Variants in OSBPL10 observed in about 807,000 individuals in gnomAD.
OSBPL10 encodes the protein oxysterol-binding protein-related protein 10.
OSBPL10 carries 49 observed loss-of-function variants against 81.7 expected under a neutral mutation model. The observed-to-expected ratio is 0.60, with a 90% confidence interval of 0.48 to 0.76. OSBPL10 has a LOEUF of 0.76. OSBPL10 is among the 30% of genes least tolerant of loss of function. OSBPL10 has a pLI of 0.00. For synonymous variants in OSBPL10, 419 were observed against 383.6 expected (o/e 1.09, Z -1.08); for missense variants, 923 against 987.8 (o/e 0.93, Z 0.88).
chr3:32,046,641 C>G (rs935909307), intron 1 of OSBPL10: 1 of 152,124 alleles, frequency 6.6e-6, no homozygotes, highest in Non-Finnish European at 1.5e-5. Context: ...TACTATAAAT[C>G]GTAAATGTTA....
At chr3:31,774,025 G>A (rs561868793) in intron 4 of OSBPL10, among the ~76,000 whole-genome samples, 5 of 152,240 alleles carry the variant, frequency 3.3e-5, no homozygotes, top group African/African-American at 1.2e-4. Flanking sequence ...AGCCGGGCGT[G>A]GTGGCACGCG....
intron 2 of OSBPL10, chr3:32,037,421 G>C (rs952123323): frequency 1.3e-5 from 2 of 157,226 alleles, no homozygotes; most frequent in African/African-American, 4.8e-5. Flanking sequence ...AGGCCAGGGT[G>C]GGAGGACTGT....
At chr3:31,989,685 T>C in intron 2 of OSBPL10, 1 of 1,613,978 alleles carries the variant, frequency 6.2e-7, no homozygotes, top group Non-Finnish European at 8.5e-7. Context: ...CCAAAATCCA[T>C]ATTTCTAATA....
At chr3:31,751,363 C>T (rs57909720) in intron 4 of OSBPL10, among the ~76,000 whole-genome samples, 139 of 144,338 alleles carry the variant, frequency 9.6e-4, no homozygotes, top group African/African-American at 3.6e-3. Context: ...AATAAATAAA[C>T]AAACAAACAA....
chr3:31,864,503 G>A (rs1575589273), intron 3 of OSBPL10, among the ~76,000 whole-genome samples: 1 of 152,112 alleles, frequency 6.6e-6, no homozygotes, highest in Non-Finnish European at 1.5e-5. Flanking sequence ...GCCTCCCAAA[G>A]TGCTAGGATT....
At chr3:31,757,043 G>A (rs934793616) in intron 4 of OSBPL10, among the ~76,000 whole-genome samples, 1 of 152,020 alleles carries the variant, frequency 6.6e-6, no homozygotes, top group African/African-American at 2.4e-5. Flanking sequence ...TGTCTCTCTG[G>A]ACTTTAAAAT....
At chr3:31,769,369 CG>C (rs1698292834) in intron 4 of OSBPL10, among the ~76,000 whole-genome samples, 1 of 134,514 alleles carries the variant, frequency 7.4e-6, no homozygotes, top group Non-Finnish European at 1.5e-5. Context: ...TGTTTGAACC[CG>C]GGAGACAGAG....
intron 6 of OSBPL10, among the ~76,000 whole-genome samples, chr3:31,723,644 CAGTA>C (rs1269626367): frequency 6.6e-6 from 1 of 152,040 alleles, no homozygotes; most frequent in Non-Finnish European, 1.5e-5. Flanking sequence ...ATTTAGCACA[CAGTA>C]AGCCCCTGCA....
chr3:31,966,064 G>T (rs2125479330), intron 1 of OSBPL10, among the ~76,000 whole-genome samples: 1 of 145,002 alleles, frequency 6.9e-6, no homozygotes, highest in East Asian at 2.0e-4. Context: ...GGAGGCCAAG[G>T]TGGGAGGATT....
intron 4 of OSBPL10, among the ~76,000 whole-genome samples, chr3:31,785,590 T>C (rs535840698): frequency 4.6e-5 from 7 of 152,298 alleles, no homozygotes; most frequent in African/African-American, 1.7e-4. Context: ...AACTCCACCA[T>C]TAACATCGTG....
rs1215342785 is a variant in OSBPL10, at chr3:31,899,258, A to G, written c.282-19428T>C. Among the ~76,000 whole-genome samples, 10 of 152,230 alleles carry G rather than the reference A, an allele frequency of 6.6e-5. No homozygotes were observed. In the South Asian group the frequency reaches 1.7e-3, roughly 25 times the overall value. ...CATCAGCCAACTTCAAACCTTTTAA[A>G]GCTTAATATGGATGGTAAAGTTTCA... On this transcript the variant is annotated intron_variant, in intron 1 of 11. Coordinates refer to ENST00000396556, the MANE Select transcript of OSBPL10 (RefSeq NM_017784.5).
At chr3:31,899,594 C>T (rs1391069477) in intron 1 of OSBPL10, among the ~76,000 whole-genome samples, 3 of 152,078 alleles carry the variant, frequency 2.0e-5, no homozygotes, top group African/African-American at 7.2e-5. Flanking sequence ...CTTTGAGAGG[C>T]CGAGGTGAGA....
intron 1 of OSBPL10, among the ~76,000 whole-genome samples, chr3:31,891,023 TC>T (rs554686466): frequency 5.3e-5 from 8 of 152,010 alleles, no homozygotes; most frequent in Non-Finnish European, 8.8e-5. Flanking sequence ...ATGGGAGCTG[TC>T]CTGTGGAGGC....
chr3:31,788,020 T>C (rs1227887331), intron 4 of OSBPL10, among the ~76,000 whole-genome samples: 4 of 152,206 alleles, frequency 2.6e-5, no homozygotes, highest in African/African-American at 7.2e-5. Flanking sequence ...AAATGAATAA[T>C]ATTTACACAA....
At chr3:31,756,503 C>T (rs1162068409) in intron 4 of OSBPL10, among the ~76,000 whole-genome samples, 2 of 152,206 alleles carry the variant, frequency 1.3e-5, no homozygotes, top group Non-Finnish European at 2.9e-5. Context: ...GAGATAAGTG[C>T]TGTTAACATT....
At chr3:31,911,044 C>T (rs1284155242) in intron 1 of OSBPL10, among the ~76,000 whole-genome samples, 1 of 152,116 alleles carries the variant, frequency 6.6e-6, no homozygotes, top group Non-Finnish European at 1.5e-5. Context: ...GGGCAGGGTT[C>T]CATATTAAAT....
chr3:31,779,653 G>C (rs1698636986), intron 4 of OSBPL10, among the ~76,000 whole-genome samples: 1 of 152,188 alleles, frequency 6.6e-6, no homozygotes, highest in African/African-American at 2.4e-5. Flanking sequence ...CATCAAGACA[G>C]GAAGTCAAAA....
chr3:31,945,145 G>A (rs1233113986), intron 1 of OSBPL10, among the ~76,000 whole-genome samples: 23 of 87,548 alleles, frequency 2.6e-4, no homozygotes, highest in African/African-American at 1.5e-3. Context: ...GCAAGACTCC[G>A]TCTCAAAAAA....
chr3:31,857,504 C>A (rs1371910119), intron 3 of OSBPL10, among the ~76,000 whole-genome samples: 8 of 151,948 alleles, frequency 5.3e-5, no homozygotes, highest in African/African-American at 1.9e-4. Flanking sequence ...GATAAAACGA[C>A]CAACTCAATA....
Sources: gnomAD v4.1 joint callset for allele counts (sites outside exome capture counted in the v4.1 genomes callset) on GRCh38, gnomAD v4.1.1 for gene constraint, MANE v1.5 for transcripts, NCBI Gene and HGNC (gene_info 2026-07-23, HGNC 2026-07-21) for gene names.